ENPP7: variants seen among roughly 807,000 people sequenced by gnomAD.
The protein encoded by ENPP7 is ectonucleotide pyrophosphatase/phosphodiesterase family member 7.
In ENPP7, 39 loss-of-function variants were observed where a neutral mutation model predicts 33.6. The ratio of observed to expected loss-of-function variants is 1.16; its 90% CI spans 0.90 to 1.52. The LOEUF is 1.52. Ranked by LOEUF, ENPP7 falls within the 40% of genes most tolerant of loss-of-function variation. ENPP7 has a pLI of 0.00. For synonymous variants in ENPP7, 244 were observed against 274.3 expected, an observed-to-expected ratio of 0.89 and a Z score of 1.09; for missense variants, 594 against 641.0, an observed-to-expected ratio of 0.93 and a Z score of 0.79.
Position 79,735,279 on chromosome 17 carries a change from G to C in ENPP7, c.636G>C (p.Arg212Ser). ...GGTACGGCCCCGAGTCCCCGGAGAG[G>C]AGGGAGATGGTGCGGCAGGTGGACC... ...GHRYGPESPE[R>S]REMVRQVDRT... Residue 212 changes from arginine (R) to serine (S), a missense_variant, in exon 3 of 6, where the codon AGG (arginine) becomes AGC (serine). Arg to Ser is a moderately radical substitution (Grantham distance 110). Around this residue, in one of 3 missense-constraint regions of ENPP7, gnomAD observed 504 missense variants for 512.8 expected, o/e 0.98. Coordinates refer to ENST00000328313, the MANE Select transcript of ENPP7 (RefSeq NM_178543.5). This position sits in a 1 kb window ranked among gnomAD's most constrained non-coding sequence, Gnocchi z 5.5. 6.2e-7 allele frequency: 1 copy of C among 1,613,654 alleles called. No homozygotes were observed. The highest frequency in any genetic ancestry group is 8.5e-7 in the Non-Finnish European group (1 of 1,180,036).
rs1350039726 is a variant in ENPP7, at chr17:79,735,199, G to T, written c.556G>T (p.Glu186Ter). 8.1e-6 allele frequency: 13 copies of T among 1,613,320 alleles called. No homozygotes were observed. Among genetic ancestry groups the T allele is most frequent in the Non-Finnish European group, 1.1e-5 (13 of 1,180,048 alleles). Residue 186 changes from glutamate to a stop codon, truncating the protein, a stop_gained, in exon 3 of 6, where the codon GAG becomes TAG. Coordinates refer to ENST00000328313, the MANE Select transcript of ENPP7 (RefSeq NM_178543.5). LOFTEE classifies it high-confidence loss of function. The surrounding 1 kb of genome is among the most constrained non-coding windows in gnomAD (Gnocchi z 5.5). ...IDTVMAWFTEEDLDLVTLYFG... is the reference protein window; with the variant it reads ...IDTVMAWFTE ...CACAGTGATGGCGTGGTTCACAGAGGAGGACCTGGATCTGGTCACACTCTA... is the reference window on the plus strand; with the variant it reads ...CACAGTGATGGCGTGGTTCACAGAGTAGGACCTGGATCTGGTCACACTCTA...
chr17:79,736,958 G>A (rs928572956), intron 3 of ENPP7, 83 bp from the exon 4 acceptor site: 3 of 1,132,910 alleles, frequency 2.6e-6, no homozygotes, highest in African/African-American at 1.5e-5. Context: ...TTCCTAAGGG[G>A]GTGTTCATAG....
Position 79,733,643 on chromosome 17 carries a change from C to A in ENPP7, c.389C>A (p.Ala130Asp), listed in dbSNP as rs782439906. Residue 130 changes from alanine to aspartate, a missense_variant, in exon 2 of 6, where the codon GCC becomes GAC. Physicochemically the swap from Ala to Asp is moderately radical, Grantham distance 126. This residue lies in a region of ENPP7 where 504 missense variants were observed against 512.8 expected (regional missense o/e 0.98). Transcript: ENST00000328313. Reference protein sequence around the residue: ...DNGSVPIWITAQRQGLRAGSF... With the variant: ...DNGSVPIWITDQRQGLRAGSF... The stretch of plus-strand genomic sequence containing the variant: ...GGCAGCGTGCCCATCTGGATCACAG[C>A]CCAGAGGCAGGTAATGTCACCCCCG... 2.5e-6 allele frequency: 4 copies of A among 1,611,454 alleles called. No individual in the cohort carries two copies. The South Asian group carries it at 3.3e-5, about 13-fold the overall frequency.
Position 79,737,088 on chromosome 17 carries a change from G to C in ENPP7, c.1074G>C (p.Lys358Asn). 1 of 1,614,194 alleles carries C rather than the reference G, an allele frequency of 6.2e-7. No individual in the cohort carries two copies. ...ATGGGGAGCACGGCTTTGACAACAA[G>C]GACATGGACATGAAGACCATCTTCC... ...FNNGEHGFDN[K>N]DMDMKTIFRA... The change falls in exon 4 of 6, where the codon AAG (lysine) becomes AAC (asparagine). Residue 358 changes from lysine to asparagine, a missense_variant. Physicochemically the swap from Lys to Asn is moderately conservative, Grantham distance 94 (BLOSUM62 0). Coordinates refer to ENST00000328313, the MANE Select transcript of ENPP7 (RefSeq NM_178543.5). The surrounding 1 kb of genome is among the most constrained non-coding windows in gnomAD (Gnocchi z 5.5).
At chr17:79,741,725 C>G in intron 5 of ENPP7, 69 bp from the exon 6 acceptor site, 11 of 910,766 alleles carry the variant, frequency 1.2e-5, no homozygotes, top group Non-Finnish European at 1.4e-5. Flanking sequence ...TTCACCTGTC[C>G]CACCAGACCT....
At chr17:79,732,487 G>T (rs1295775013) in intron 1 of ENPP7, among the ~76,000 whole-genome samples, 1 of 152,034 alleles carries the variant, frequency 6.6e-6, no homozygotes, top group Non-Finnish European at 1.5e-5. Flanking sequence ...TGCTTCTGGA[G>T]GCCAGAAGGC....
chr17:79,732,026 A>T (rs1555822590), intron 1 of ENPP7, among the ~76,000 whole-genome samples: 1 of 151,150 alleles, frequency 6.6e-6, no homozygotes, highest in Non-Finnish European at 1.5e-5. Flanking sequence ...TGAACCCAGG[A>T]GGTGGAAGTT....
chr17:79,732,123 T>TATATATATATACACATATATACAC (rs1487716435), intron 1 of ENPP7, among the ~76,000 whole-genome samples: 1 of 37,790 alleles, frequency 2.6e-5, no homozygotes, highest in African/African-American at 1.2e-4. Context: ...TATATATACA[T>TATATATATATACACATATATACAC]ATATATATGT....
chr17:79,740,462 G>A (rs372201779), intron 5 of ENPP7, among the ~76,000 whole-genome samples: 230 of 152,280 alleles, frequency 1.5e-3, no homozygotes, highest in African/African-American at 5.2e-3. Flanking sequence ...CAGCCACAAC[G>A]CCTGCCTCTC....
rs1555824270 is a variant in ENPP7, at chr17:79,739,756, T to C, written c.*16+1694T>C. ...TGCAGTTTAGTCTGGCAATTTAAAT[T>C]TGAGACTTGTCAACACAAGCTATGG... is the stretch of plus-strand genomic sequence containing the variant. On this transcript the variant is annotated intron_variant, in intron 5 of 5. Transcript: ENST00000328313. This position sits in a 1 kb window ranked among gnomAD's most constrained non-coding sequence, Gnocchi z 4.4. Among the ~76,000 whole-genome samples, 1 of 152,168 alleles carries C rather than the reference T, an allele frequency of 6.6e-6. No individual in the cohort carries two copies. Among genetic ancestry groups the C allele is most frequent in the Non-Finnish European group, 1.5e-5 (1 of 68,026 alleles).
chr17:79,735,141 C>G lies in ENPP7; in HGVS notation c.498C>G (p.Tyr166Ter). 6.2e-7 allele frequency: 1 copy of G among 1,613,206 alleles called. No homozygotes were observed. Among genetic ancestry groups the G allele is most frequent in the Non-Finnish European group, 8.5e-7 (1 of 1,180,018 alleles). The change falls in exon 3 of 6, where the codon TAC (tyrosine) becomes TAG (stop). Residue 166 changes from tyrosine to a stop codon, truncating the protein, a stop_gained. Transcript: ENST00000328313. LOFTEE classifies it high-confidence loss of function. This position sits in a 1 kb window ranked among gnomAD's most constrained non-coding sequence, Gnocchi z 5.5. ...RSRKEGIAHN[Y>*]KNETEWRANI... is the part of the protein sequence containing the mutation. Reference sequence around the variant, plus strand: ...GGAAAGAAGGCATCGCACACAACTACAAAAATGAGACGGAGTGGAGAGCGA... The same window carrying G: ...GGAAAGAAGGCATCGCACACAACTAGAAAAATGAGACGGAGTGGAGAGCGA...
At position 79,735,134 on chromosome 17, in the gene ENPP7, A is replaced by G; in HGVS notation, c.491A>G (p.His164Arg). 6.2e-7 allele frequency: 1 copy of G among 1,613,222 alleles called. No individual in the cohort carries two copies. The highest frequency in any genetic ancestry group is 8.5e-7 in the Non-Finnish European group (1 of 1,180,034). ...CGGAGCCGGAAAGAAGGCATCGCACACAACTACAAAAATGAGACGGAGTGG... is the reference window on the plus strand; with the variant it reads ...CGGAGCCGGAAAGAAGGCATCGCACGCAACTACAAAAATGAGACGGAGTGG... Reference protein sequence around the residue: ...VTRSRKEGIAHNYKNETEWRA... With the variant: ...VTRSRKEGIARNYKNETEWRA... The change falls in exon 3 of 6, where the codon CAC becomes CGC. Residue 164 changes from histidine to arginine, a missense_variant. His to Arg is a conservative substitution (Grantham distance 29). Coordinates refer to ENST00000328313, the MANE Select transcript of ENPP7 (RefSeq NM_178543.5). This position sits in a 1 kb window ranked among gnomAD's most constrained non-coding sequence, Gnocchi z 5.5.
chr17:79,734,774 G>A (rs151066865), intron 2 of ENPP7, among the ~76,000 whole-genome samples: 53 of 152,262 alleles, frequency 3.5e-4, no homozygotes, highest in Admixed American at 1.2e-3. Flanking sequence ...CACTGCGCCC[G>A]GCCTCTGGGA....
chr17:79,735,648 C>T lies in ENPP7; in HGVS notation c.1005C>T (p.Asp335=). The T allele has an allele frequency of 1.2e-6, 2 of 1,609,480 alleles. No homozygotes were observed. Among genetic ancestry groups the T allele is most frequent in the Non-Finnish European group, 1.7e-6 (2 of 1,176,646 alleles). ...TCACACCCCTGCTGATGTACAGCGACCTTGGCTACGTCATCCATGGGGTGA... is the reference window on the plus strand; with the variant it reads ...TCACACCCCTGCTGATGTACAGCGATCTTGGCTACGTCATCCATGGGGTGA... ...PRVTPLLMYS[D]LGYVIHGRIN... is the part of the protein sequence containing the mutation. The change falls in exon 3 of 6, where the codon GAC becomes GAT. Residue 335 remains aspartate (D), a synonymous_variant. Coordinates refer to ENST00000328313, the MANE Select transcript of ENPP7 (RefSeq NM_178543.5). The surrounding 1 kb of genome is among the most constrained non-coding windows in gnomAD (Gnocchi z 5.5).
In ENPP7 at chr17:79,732,157, C is replaced by CACAT. The variant is rs1555822693; in HGVS notation, c.253+766_253+767insCATA. 1.5e-3 allele frequency among the ~76,000 whole-genome samples: 113 copies of CACAT among 73,292 alleles called. 5 individuals are homozygous for CACAT. Among genetic ancestry groups the CACAT allele is most frequent in the East Asian group, 0.01 (18 of 1,734 alleles). 48.1% of individuals were successfully genotyped at this position (73,292 alleles called of 152,430 possible). A position where few individuals can be genotyped will look rare whatever the true frequency, so the allele number is the denominator to read the frequency against. ...GTATATATATATATATATACACACACATATATATATATATGAGGCCAAGGC... is the reference window on the plus strand; with the variant it reads ...GTATATATATATATATATACACACACACATATATATATATATATGAGGCCAAGGC... On this transcript the variant is annotated intron_variant, in intron 1 of 5. Transcript: ENST00000328313.
chr17:79,735,455 G>A lies in ENPP7; in HGVS notation c.812G>A (p.Arg271Gln), dbSNP rs781876318. Residue 271 changes from arginine to glutamine, a missense_variant, in exon 3 of 6, where the codon CGG (arginine) becomes CAG (glutamine). By Grantham distance (43) the Arg-to-Gln change is conservative. Coordinates refer to ENST00000328313, the MANE Select transcript of ENPP7 (RefSeq NM_178543.5). This position sits in a 1 kb window ranked among gnomAD's most constrained non-coding sequence, Gnocchi z 5.5. The part of the protein sequence containing the change: ...EFHKFPNFTF[R>Q]DIEFELLDYG... The stretch of plus-strand genomic sequence containing the variant: ...CACAAGTTCCCCAACTTCACCTTCC[G>A]GGACATCGAGTTTGAGCTCCTGGAC... 32 of 1,613,914 alleles carry A rather than the reference G, an allele frequency of 2.0e-5. No homozygotes were observed. The highest frequency in any genetic ancestry group is 8.9e-5 in the East Asian group (4 of 44,896).
chr17:79,740,600 G>C (rs1390371036), intron 5 of ENPP7, among the ~76,000 whole-genome samples: 1 of 152,200 alleles, frequency 6.6e-6, no homozygotes, highest in African/African-American at 2.4e-5. Context: ...CTCAGAAAAA[G>C]TCATTATTCA....
At position 79,735,161 on chromosome 17, in the gene ENPP7, G is replaced by C. The variant is rs1568486419; in HGVS notation, c.518G>C (p.Arg173Thr). The C allele has an allele frequency of 6.2e-7, 1 of 1,613,298 alleles. No individual in the cohort carries two copies. The highest frequency in any genetic ancestry group is 1.3e-5 in the African/African-American group (1 of 75,062). The change falls in exon 3 of 6, where the codon AGA becomes ACA. Residue 173 changes from arginine to threonine, a missense_variant. Coordinates refer to ENST00000328313, the MANE Select transcript of ENPP7 (RefSeq NM_178543.5). This position sits in a 1 kb window ranked among gnomAD's most constrained non-coding sequence, Gnocchi z 5.5. ...AACTACAAAAATGAGACGGAGTGGA[G>C]AGCGAACATCGACACAGTGATGGCG... is the stretch of plus-strand genomic sequence containing the variant. ...AHNYKNETEWRANIDTVMAWF... is the reference protein window; with the variant it reads ...AHNYKNETEWTANIDTVMAWF...
At position 79,741,976 on chromosome 17, in the gene ENPP7, C is replaced by CA; in HGVS notation, c.*200dup. 1.0e-6 allele frequency: 1 copy of CA among 985,654 alleles called. No homozygotes were observed. Among genetic ancestry groups the CA allele is most frequent in the Non-Finnish European group, 1.2e-6 (1 of 829,954 alleles). 61.1% of individuals were successfully genotyped at this position (985,654 alleles called of 1,614,324 possible). A position where few individuals can be genotyped will look rare whatever the true frequency, so the allele number is the denominator to read the frequency against. On this transcript the variant is annotated 3_prime_UTR_variant, in exon 6 of 6. Coordinates refer to ENST00000328313, the MANE Select transcript of ENPP7 (RefSeq NM_178543.5). ...GGTAATAAGCCTCGCAGCCCAGGTC[C>CA]AGAGCCCCCGGCGAGCCGGTCCCAT...
Sources: allele counts gnomAD v4.1 joint callset (sites outside exome capture counted in the v4.1 genomes callset), GRCh38; gene constraint gnomAD v4.1.1; regional missense constraint gnomAD v4.1.1; non-coding constraint Gnocchi (gnomAD v3.1); transcripts MANE v1.5; gene names NCBI Gene and HGNC (gene_info 2026-07-23, HGNC 2026-07-21).